CD101: variants seen among roughly 807,000 people sequenced by gnomAD.
CD101 encodes the protein CD101 molecule, also known as immunoglobulin superfamily member 2.
CD101 carries 76 observed loss-of-function variants against 98.2 expected under a neutral mutation model. The observed-to-expected ratio is 0.77, with a 90% confidence interval of 0.64 to 0.94. The LOEUF is 0.94. CD101 is among the 40% of genes least tolerant of loss of function. The pLI is 0.00. For synonymous variants in CD101, 471 were observed against 472.7 expected (o/e 1.00, Z 0.05); for missense variants, 1,145 against 1,218.8 (o/e 0.94, Z 0.90).
chr1:117,011,075 A>T (rs1298786026), intron 2 of CD101, among the ~76,000 whole-genome samples: 1 of 152,202 alleles, frequency 6.6e-6, no homozygotes, highest in Non-Finnish European at 1.5e-5. Flanking sequence ...TTTAGTAAAG[A>T]TTGCATTTGG....
intron 1 of CD101, among the ~76,000 whole-genome samples, chr1:117,007,357 C>CTT (rs952693113): frequency 6.9e-6 from 1 of 144,652 alleles, no homozygotes; most frequent in Admixed American, 6.9e-5. Context: ...TCCTAGTTTG[C>CTT]TTTTTTTTTT....
At position 117,017,544 on chromosome 1, in the gene CD101, C is replaced by T. The variant is rs111960225; in HGVS notation, c.1612+71C>T. On this transcript the variant is annotated intron_variant, in intron 5 of 9. Coordinates refer to ENST00000682167, the MANE Select transcript of CD101 (RefSeq NM_001256106.3). ...TTCATTCTGCAGTGGAACTGGATTG[C>T]GTGTTATCCTGAATCCCCCAGTGAT... is the stretch of plus-strand genomic sequence containing the variant. The T allele has an allele frequency of 2.6e-3, 3,854 of 1,478,240 alleles. 73 individuals carry two copies. In the African/African-American group the frequency reaches 0.044, roughly 17 times the overall value. The allele number at this position is 1,478,240 out of a possible 1,614,324, so 91.6% of individuals were successfully genotyped here.
chr1:117,018,252 A>G lies in CD101; in HGVS notation c.1709A>G (p.Asp570Gly). Residue 570 changes from aspartate to glycine, a missense_variant, in exon 6 of 10, where the codon GAC (aspartate) becomes GGC (glycine). Coordinates refer to ENST00000682167, the MANE Select transcript of CD101 (RefSeq NM_001256106.3). This position sits in a 1 kb window ranked among gnomAD's most constrained non-coding sequence, Gnocchi z 4.3. The stretch of plus-strand genomic sequence containing the variant: ...TGTGTCGTGAGGGCCGGTTACTCTG[A>G]CCTCAAGGTGCCACTCACTGTGACG... ...LSCVVRAGYS[D>G]LKVPLTVTWQ... 6.2e-7 allele frequency: 1 copy of G among 1,614,154 alleles called. No homozygotes were observed. The highest frequency in any genetic ancestry group is 8.5e-7 in the Non-Finnish European group (1 of 1,180,026).
At position 117,033,872 on chromosome 1, in the gene CD101, C is replaced by T; in HGVS notation, c.2837C>T (p.Pro946Leu). 1 of 1,614,168 alleles carries T rather than the reference C, an allele frequency of 6.2e-7. No homozygotes were observed. Among genetic ancestry groups the T allele is most frequent in the Non-Finnish European group, 8.5e-7 (1 of 1,180,006 alleles). The change falls in exon 9 of 10, where the codon CCT becomes CTT. Residue 946 changes from proline (P) to leucine (L), a missense_variant. Transcript: ENST00000682167. This position sits in a 1 kb window ranked among gnomAD's most constrained non-coding sequence, Gnocchi z 4.8. The stretch of plus-strand genomic sequence containing the variant: ...CCCTTCGTTGCAGAGCCCACGCTTC[C>T]TTCCAGGATCTGCTCCTCGGCCCCT... ...LTVLPSEPTL[P>L]SRICSSAPLL...
At chr1:117,031,090 T>C (rs1015704356) in intron 8 of CD101, among the ~76,000 whole-genome samples, 1 of 152,102 alleles carries the variant, frequency 6.6e-6, no homozygotes, top group African/African-American at 2.4e-5. Context: ...AGGCAGATGG[T>C]GGGAAATGGT....
chr1:117,010,188 G>A lies in CD101; in HGVS notation c.382G>A (p.Glu128Lys). The part of the protein sequence containing the change: ...EYECHTPNTD[E>K]KYYGSYSAKT... ...TGAGTGTCACACACCAAACACTGATGAGAAATACTATGGAAGTTACAGTGC... is the reference window on the plus strand; with the variant it reads ...TGAGTGTCACACACCAAACACTGATAAGAAATACTATGGAAGTTACAGTGC... The change falls in exon 2 of 10, where the codon GAG becomes AAG. Residue 128 changes from glutamate to lysine, a missense_variant. Glu to Lys is a moderately conservative substitution (Grantham distance 56). Transcript: ENST00000682167. This position sits in a 1 kb window ranked among gnomAD's most constrained non-coding sequence, Gnocchi z 5.2. The A allele has an allele frequency of 6.2e-7, 1 of 1,614,136 alleles. No individual in the cohort carries two copies. Among genetic ancestry groups the A allele is most frequent in the Non-Finnish European group, 8.5e-7 (1 of 1,179,990 alleles).
chr1:117,031,015 G>T (rs1307032274), intron 8 of CD101, among the ~76,000 whole-genome samples: 1 of 152,206 alleles, frequency 6.6e-6, no homozygotes, highest in Non-Finnish European at 1.5e-5. Context: ...CACTTACTTA[G>T]ATTGATCAAA....
At chr1:117,011,519 A>T in intron 2 of CD101, 31 bp from the exon 3 acceptor site, 2 of 1,588,498 alleles carry the variant, frequency 1.3e-6, no homozygotes, top group Non-Finnish European at 8.6e-7. Flanking sequence ...GCACTGGGCC[A>T]GTCACATTAT....
In CD101 at chr1:117,013,677, T is replaced by C. The variant is rs1192638818; in HGVS notation, c.1113T>C (p.Asp371=). The C allele has an allele frequency of 4.3e-6, 7 of 1,614,010 alleles. No homozygotes were observed. In the African/African-American group the frequency reaches 9.3e-5, roughly 22 times the overall value. The change falls in exon 4 of 10, where the codon GAT becomes GAC. Residue 371 remains aspartate, a synonymous_variant. Transcript: ENST00000682167. The part of the protein sequence containing the change: ...SLKIFSLGPE[D]EGAYRCVVAE... Reference sequence around the variant, plus strand: ...AGATCTTCTCTCTGGGCCCAGAGGATGAAGGCGCCTACAGATGTGTGGTAG... The same window carrying C: ...AGATCTTCTCTCTGGGCCCAGAGGACGAAGGCGCCTACAGATGTGTGGTAG...
At position 117,017,153 on chromosome 1, in the gene CD101, C is replaced by A; in HGVS notation, c.1292C>A (p.Ala431Asp). ...QQVVWEGETL[A>D]FLCKAGGAES... ...GTTGTGTGGGAAGGAGAGACACTCG[C>A]CTTTCTCTGTAAGGCTGGTGGAGCT... The change falls in exon 5 of 10, where the codon GCC becomes GAC. Residue 431 changes from alanine to aspartate, a missense_variant. Physicochemically the swap from Ala to Asp is moderately radical, Grantham distance 126. Coordinates refer to ENST00000682167, the MANE Select transcript of CD101 (RefSeq NM_001256106.3). 6.2e-7 allele frequency: 1 copy of A among 1,614,242 alleles called. No individual in the cohort carries two copies. The highest frequency in any genetic ancestry group is 8.5e-7 in the Non-Finnish European group (1 of 1,180,032).
intron 1 of CD101, among the ~76,000 whole-genome samples, chr1:117,003,965 T>G (rs79152786): frequency 0.022 from 3,342 of 152,302 alleles, 130 homozygotes; most frequent in African/African-American, 0.077. Context: ...GTTAGCAAAT[T>G]TACACTTTGT....
chr1:117,028,787 T>G (rs1045736448), intron 8 of CD101, among the ~76,000 whole-genome samples: 1 of 152,108 alleles, frequency 6.6e-6, no homozygotes, highest in Non-Finnish European at 1.5e-5. Flanking sequence ...ATCCATTGGA[T>G]TTGACATTAT....
intron 9 of CD101, chr1:117,034,365 C>T (rs1654668697): frequency 2.2e-6 from 1 of 460,954 alleles, no homozygotes; most frequent in Admixed American, 3.4e-5. Flanking sequence ...GGTTCAGGTC[C>T]CTGGGCTGCA....
Position 117,012,283 on chromosome 1 carries a change from C to T in CD101, c.841+317C>T, listed in dbSNP as rs540679675. ...CATTATCTACATTATCTAATTTAGT[C>T]GTAACCACCACCCTATGAGGCAAGT... is the stretch of plus-strand genomic sequence containing the variant. On this transcript the variant is annotated intron_variant, in intron 3 of 9. Coordinates refer to ENST00000682167, the MANE Select transcript of CD101 (RefSeq NM_001256106.3). This position sits in a 1 kb window ranked among gnomAD's most constrained non-coding sequence, Gnocchi z 4.0. Among the ~76,000 whole-genome samples, 23 of 152,288 alleles carry T rather than the reference C, an allele frequency of 1.5e-4. No individual in the cohort carries two copies. The highest frequency in any genetic ancestry group is 5.5e-4 in the African/African-American group (23 of 41,558).
In CD101 at chr1:117,011,863, G is replaced by T; in HGVS notation, c.738G>T (p.Gln246His). 6 of 1,614,142 alleles carry T rather than the reference G, an allele frequency of 3.7e-6. No homozygotes were observed. Among genetic ancestry groups the T allele is most frequent in the Non-Finnish European group, 5.1e-6 (6 of 1,180,016 alleles). ...GGCTCCAGTCCTCAGATCAGGGTCAGCTGTTCTGTGAGGCAACGGAATGGA... is the reference window on the plus strand; with the variant it reads ...GGCTCCAGTCCTCAGATCAGGGTCATCTGTTCTGTGAGGCAACGGAATGGA... ...IERLQSSDQG[Q>H]LFCEATEWIQ... The change falls in exon 3 of 10, where the codon CAG (glutamine) becomes CAT (histidine). Residue 246 changes from glutamine to histidine, a missense_variant. Coordinates refer to ENST00000682167, the MANE Select transcript of CD101 (RefSeq NM_001256106.3).
chr1:117,012,243 C>T lies in CD101; in HGVS notation c.841+277C>T, dbSNP rs1652936306. Reference sequence around the variant, plus strand: ...GAAGTAGTTTTGTTACCATTTTTGCCAGTCTCTGTTCACACATTATCTACA... The same window carrying T: ...GAAGTAGTTTTGTTACCATTTTTGCTAGTCTCTGTTCACACATTATCTACA... On this transcript the variant is annotated intron_variant, in intron 3 of 9. Coordinates refer to ENST00000682167, the MANE Select transcript of CD101 (RefSeq NM_001256106.3). This position sits in a 1 kb window ranked among gnomAD's most constrained non-coding sequence, Gnocchi z 4.0. 6.6e-6 allele frequency among the ~76,000 whole-genome samples: 1 copy of T among 152,188 alleles called. No individual in the cohort carries two copies. The highest frequency in any genetic ancestry group is 6.5e-5 in the Admixed American group (1 of 15,278).
chr1:117,018,428 G>A lies in CD101; in HGVS notation c.1885G>A (p.Asp629Asn), dbSNP rs1653378173. Residue 629 changes from aspartate (D) to asparagine (N), a missense_variant, in exon 6 of 10, where the codon GAT (aspartate) becomes AAT (asparagine). By Grantham distance (23) the Asp-to-Asn change is conservative. Transcript: ENST00000682167. The surrounding 1 kb of genome is among the most constrained non-coding windows in gnomAD (Gnocchi z 4.3). ...ATTTCGTTCACAACTCCTAGTCCAT[G>A]ATGCCACTGAGGAAGAGACAGGAGT... ...SLFRSQLLVH[D>N]ATEEETGVYQ... 6.2e-7 allele frequency: 1 copy of A among 1,614,204 alleles called. No individual in the cohort carries two copies. Among genetic ancestry groups the A allele is most frequent in the Non-Finnish European group, 8.5e-7 (1 of 1,180,040 alleles).
chr1:117,008,317 T>TA (rs2101114910), intron 1 of CD101, among the ~76,000 whole-genome samples: 1 of 152,046 alleles, frequency 6.6e-6, no homozygotes, highest in East Asian at 1.9e-4. Context: ...ATATAAAACT[T>TA]ATCCAGGCGT....
In CD101 at chr1:117,018,744, T is replaced by G. The variant is rs1653402739; in HGVS notation, c.2017+184T>G. Among the ~76,000 whole-genome samples, 1 of 152,230 alleles carries G rather than the reference T, an allele frequency of 6.6e-6. No homozygotes were observed. Among genetic ancestry groups the G allele is most frequent in the South Asian group, 2.1e-4 (1 of 4,834 alleles). Reference sequence around the variant, plus strand: ...GTTAGTATGCATGGGTTGGCCATACTGGTTGTTAAAACATTGAAATACCTT... The same window carrying G: ...GTTAGTATGCATGGGTTGGCCATACGGGTTGTTAAAACATTGAAATACCTT... On this transcript the variant is annotated intron_variant, in intron 6 of 9. Coordinates refer to ENST00000682167, the MANE Select transcript of CD101 (RefSeq NM_001256106.3). The surrounding 1 kb of genome is among the most constrained non-coding windows in gnomAD (Gnocchi z 4.3).
Sources: gnomAD v4.1 joint callset for allele counts (sites outside exome capture counted in the v4.1 genomes callset) on GRCh38, gnomAD v4.1.1 for gene constraint, Gnocchi (gnomAD v3.1) non-coding constraint, MANE v1.5 for transcripts, NCBI Gene and HGNC (gene_info 2026-07-23, HGNC 2026-07-21) for gene names.